The following MCFD2 variants were observed in gnomAD, a reference collection of about 807,000 sequenced individuals.
MCFD2 encodes multiple coagulation factor deficiency protein 2.
MCFD2 carries 11 observed loss-of-function variants against 12.8 expected under a neutral mutation model. The observed-to-expected ratio is 0.86, with a 90% CI of 0.54 to 1.42. MCFD2 has a LOEUF of 1.42. Among genes scored for constraint, MCFD2 ranks in the 40% most tolerant of loss-of-function variants. MCFD2 has a pLI of 0.00. For synonymous variants in MCFD2, 70 were observed against 68.1 expected, an observed-to-expected ratio of 1.03 and a Z score of -0.14; for missense variants, 191 against 178.6, an observed-to-expected ratio of 1.07 and a Z score of -0.40.
At chr2:46,919,686 C>G (rs1024773508), upstream of MCFD2, among the ~76,000 whole-genome samples, 1 of 152,250 alleles carries the variant, frequency 6.6e-6, no homozygotes, top group Non-Finnish European at 1.5e-5. Context: ...GTGGTAATCT[C>G]TGAACCCTGG....
intron 1 of MCFD2, among the ~76,000 whole-genome samples, chr2:46,925,588 G>C (rs1455977004): frequency 6.6e-6 from 1 of 151,962 alleles, no homozygotes; most frequent in Non-Finnish European, 1.5e-5. Flanking sequence ...ACACATGCCT[G>C]GTCAGAATAA....
upstream of MCFD2, among the ~76,000 whole-genome samples, chr2:46,918,025 A>G (rs1257535993): frequency 4.6e-5 from 7 of 152,170 alleles, no homozygotes; most frequent in Admixed American, 1.3e-4. Context: ...GATACCATTT[A>G]TAAATAGATG....
At chr2:46,925,762 T>C (rs1000685787) in intron 1 of MCFD2, among the ~76,000 whole-genome samples, 6 of 152,156 alleles carry the variant, frequency 3.9e-5, no homozygotes. Context: ...GGAAAGACCA[T>C]GTTAACCCCC....
At chr2:46,926,419 G>T (rs1323571552) in intron 1 of MCFD2, among the ~76,000 whole-genome samples, 3 of 152,142 alleles carry the variant, frequency 2.0e-5, no homozygotes, top group African/African-American at 4.8e-5. Flanking sequence ...TAGAGCCCAG[G>T]TCGCCATGGG....
In MCFD2 at chr2:46,923,270, C is replaced by T. The variant is rs1478295773; in HGVS notation, c.-7-15301G>A. Among the ~76,000 whole-genome samples the T allele has an allele frequency of 3.3e-5, 5 of 152,208 alleles. No individual in the cohort carries two copies. In the East Asian group the frequency reaches 7.7e-4, roughly 23 times the overall value. ...TTGGTGATCAACTTAACCTTCAGCC[C>T]CTCTCTCCTCCCTGGAGGTTGGAGG... is the stretch of plus-strand genomic sequence containing the variant. On this transcript the variant is annotated intron_variant, in intron 1 of 2. Coordinates refer to the MCFD2 transcript ENST00000409147.
chr2:46,916,307 C>G (rs1260809928), upstream of MCFD2: 2 of 377,198 alleles, frequency 5.3e-6, no homozygotes, highest in African/African-American at 4.4e-5. Context: ...TGGCCTGCTT[C>G]CAGCGTCTGC....
intron 1 of MCFD2, among the ~76,000 whole-genome samples, chr2:46,932,349 A>G (rs1446978977): frequency 2.6e-5 from 4 of 152,076 alleles, no homozygotes; most frequent in African/African-American, 9.7e-5. Context: ...GGGTTTCACC[A>G]TGTTGACCAG....
At chr2:46,928,459 T>TAAAAAA (rs35897582) in intron 1 of MCFD2, among the ~76,000 whole-genome samples, 1 of 81,976 alleles carries the variant, frequency 1.2e-5, no homozygotes. Flanking sequence ...AAAGGGAAAT[T>TAAAAAA]AAAAAAAAAA....
chr2:46,925,617 A>G (rs1046417877), intron 1 of MCFD2, among the ~76,000 whole-genome samples: 4 of 152,202 alleles, frequency 2.6e-5, no homozygotes, highest in South Asian at 2.1e-4. Context: ...GACTGTATCA[A>G]CTGACTCATT....
intron 1 of MCFD2, among the ~76,000 whole-genome samples, chr2:46,928,678 GA>G (rs1043246840): frequency 2.0e-5 from 3 of 152,044 alleles, no homozygotes; most frequent in Non-Finnish European, 4.4e-5. Flanking sequence ...ACTGAGGTTG[GA>G]GGATGGCTTG....
upstream of MCFD2, among the ~76,000 whole-genome samples, chr2:46,917,583 T>A (rs1668877714): frequency 6.6e-6 from 1 of 152,242 alleles, no homozygotes; most frequent in Non-Finnish European, 1.5e-5. Flanking sequence ...TAAAGTGTCC[T>A]CATTCTAGCC....
At chr2:46,913,211 G>A (rs1369621354) in intron 1 of MCFD2, among the ~76,000 whole-genome samples, 3 of 152,096 alleles carry the variant, frequency 2.0e-5, no homozygotes, top group South Asian at 4.1e-4. Context: ...AAGCCAAATC[G>A]ATAAACATAA....
At chr2:46,938,763 C>G (rs1416930217) in intron 1 of MCFD2, among the ~76,000 whole-genome samples, 1 of 152,068 alleles carries the variant, frequency 6.6e-6, no homozygotes, top group African/African-American at 2.4e-5. Flanking sequence ...CCTGTAATCC[C>G]AGCACTTTGG....
chr2:46,934,185 C>T (rs988571818), intron 1 of MCFD2, among the ~76,000 whole-genome samples: 4 of 152,200 alleles, frequency 2.6e-5, no homozygotes, highest in African/African-American at 9.7e-5. Flanking sequence ...GAAACTCTTA[C>T]CCAGGATGAT....
upstream of MCFD2, among the ~76,000 whole-genome samples, chr2:46,917,857 C>G (rs1668895839): frequency 6.6e-6 from 1 of 152,194 alleles, no homozygotes; most frequent in Non-Finnish European, 1.5e-5. Flanking sequence ...TTTTCTGACA[C>G]CACACACTCT....
chr2:46,934,020 A>G (rs1669842938), intron 1 of MCFD2, among the ~76,000 whole-genome samples: 1 of 152,192 alleles, frequency 6.6e-6, no homozygotes, highest in Non-Finnish European at 1.5e-5. Context: ...AACTACTCAC[A>G]GCCATTGTGA....
Position 46,904,890 on chromosome 2 carries a change from C to G in MCFD2, c.*573G>C. The G allele has an allele frequency of 1.1e-5, 2 of 190,114 alleles. No individual in the cohort carries two copies. Among genetic ancestry groups the G allele is most frequent in the East Asian group, 1.4e-4 (1 of 7,332 alleles). 11.8% of individuals were successfully genotyped at this position (190,114 alleles called of 1,614,324 possible). A position where few individuals can be genotyped will look rare whatever the true frequency, so the allele number is the denominator to read the frequency against. On this transcript the variant is annotated 3_prime_UTR_variant, in exon 4 of 4. Coordinates refer to ENST00000319466, the MANE Select transcript of MCFD2 (RefSeq NM_139279.6). The stretch of plus-strand genomic sequence containing the variant: ...TAGAATGATATGGTTTGGCTATGTC[C>G]CCACCCAAATCTCAACTTGAAATTG...
At chr2:46,935,048 C>T (rs1261192664) in intron 1 of MCFD2, among the ~76,000 whole-genome samples, 1 of 152,006 alleles carries the variant, frequency 6.6e-6, no homozygotes, top group Non-Finnish European at 1.5e-5. Context: ...ATCCACCCAC[C>T]TCGGCCTCCC....
upstream of MCFD2, among the ~76,000 whole-genome samples, chr2:46,920,271 ATGT>A (rs1186804321): frequency 6.6e-6 from 1 of 152,004 alleles, no homozygotes; most frequent in African/African-American, 2.4e-5. Flanking sequence ...CTTTCTCATC[ATGT>A]TGTTGTTGTT....
Sources: allele counts gnomAD v4.1 joint callset (sites outside exome capture counted in the v4.1 genomes callset), GRCh38; gene constraint gnomAD v4.1.1; transcripts MANE v1.5; gene names NCBI Gene and HGNC (gene_info 2026-07-23, HGNC 2026-07-21).